Variants in EXOC2 observed in about 807,000 individuals in gnomAD.
The protein encoded by EXOC2 is SEC5-like 1.
In EXOC2, 70 loss-of-function variants were observed where a neutral mutation model predicts 131.8. The observed-to-expected ratio is 0.53, with a 90% CI of 0.44 to 0.65. The LOEUF (loss-of-function observed/expected upper bound fraction) is 0.65, where lower values mean the gene tolerates loss of function less well. EXOC2 is among the 30% of genes least tolerant of loss of function. The pLI is 0.00. For synonymous variants in EXOC2, 411 were observed against 398.4 expected, an observed-to-expected ratio of 1.03 and a Z score of -0.38; for missense variants, 923 against 1,108.6, an observed-to-expected ratio of 0.83 and a Z score of 2.38.
chr6:506,139 T>C lies in EXOC2; in HGVS notation c.2381-6439A>G, dbSNP rs1162466324. Among the ~76,000 whole-genome samples the C allele has an allele frequency of 6.6e-6, 1 of 152,228 alleles. No individual in the cohort carries two copies. The highest frequency in any genetic ancestry group is 1.5e-5 in the Non-Finnish European group (1 of 68,042). On this transcript the variant is annotated intron_variant, in intron 23 of 27. Transcript: ENST00000230449. This position sits in a 1 kb window ranked among gnomAD's most constrained non-coding sequence, Gnocchi z 4.4. Reference sequence around the variant, plus strand: ...AAAAATATAGTTTGAATAAAGTAAGTACAGTAGTATAGAATATTGCTGAGG... The same window carrying C: ...AAAAATATAGTTTGAATAAAGTAAGCACAGTAGTATAGAATATTGCTGAGG...
At chr6:617,673 C>T (rs746459727) in intron 6 of EXOC2, 38 bp downstream of exon 6, 20 of 1,595,002 alleles carry the variant, frequency 1.3e-5, no homozygotes, top group African/African-American at 1.3e-5. Context: ...GTTTCCATGG[C>T]GGAAGCTGCC....
chr6:489,713 G>A (rs1385940593), intron 26 of EXOC2, among the ~76,000 whole-genome samples: 1 of 152,204 alleles, frequency 6.6e-6, no homozygotes, highest in South Asian at 2.1e-4. Context: ...ATTCACAAAG[G>A]AACAGTTCTT....
intron 1 of EXOC2, among the ~76,000 whole-genome samples, chr6:641,017 A>C (rs1482081709): frequency 1.3e-5 from 2 of 152,214 alleles, no homozygotes; most frequent in African/African-American, 4.8e-5. Context: ...TGAAATTTTC[A>C]AAAAGGTCCA....
At chr6:556,407 G>C in intron 18 of EXOC2, 77 bp downstream of exon 18, 1 of 1,424,638 alleles carries the variant, frequency 7.0e-7, no homozygotes, top group East Asian at 2.3e-5. Flanking sequence ...CTTGCAGTAC[G>C]ATGAGTCAAA....
chr6:495,642 C>T (rs958778618), intron 25 of EXOC2, among the ~76,000 whole-genome samples: 18 of 152,188 alleles, frequency 1.2e-4, no homozygotes, highest in African/African-American at 3.6e-4. Flanking sequence ...TGCTGCATCG[C>T]GTCCTCGATG....
Position 677,159 on chromosome 6 carries a change from T to C in EXOC2, c.-44+15860A>G, listed in dbSNP as rs1277156218. ...ACATTACGGAAAGGACAGCTTTCTC[T>C]GGAGACTGCGGTTCCCCATACTCTT... On this transcript the variant is annotated intron_variant, in intron 1 of 27. Coordinates refer to ENST00000230449, the MANE Select transcript of EXOC2 (RefSeq NM_018303.6). 8.9e-5 allele frequency among the ~76,000 whole-genome samples: 11 copies of C among 124,022 alleles called. 3 individuals are homozygous for C. The highest frequency in any genetic ancestry group is 3.1e-4 in the African/African-American group (11 of 35,620). The allele number at this position is 124,022 out of a possible 152,430, so 81.4% of individuals were successfully genotyped here.
At chr6:571,670 T>A (rs1758284496) in intron 13 of EXOC2, among the ~76,000 whole-genome samples, 1 of 152,198 alleles carries the variant, frequency 6.6e-6, no homozygotes, top group Non-Finnish European at 1.5e-5. Context: ...GTCCATTTTG[T>A]GTGTTGCCAA....
At chr6:596,020 C>T (rs549097207) in intron 10 of EXOC2, among the ~76,000 whole-genome samples, 2 of 152,108 alleles carry the variant, frequency 1.3e-5, no homozygotes, top group African/African-American at 4.8e-5. Context: ...CCCCGGGTCA[C>T]TGTGTGTGCT....
intron 1 of EXOC2, among the ~76,000 whole-genome samples, chr6:640,629 A>T (rs1463439950): frequency 6.6e-6 from 1 of 152,136 alleles, no homozygotes. Flanking sequence ...TGGTGTCCTT[A>T]TTGGAAGAAT....
intron 10 of EXOC2, 48 bp downstream of exon 10, chr6:597,973 T>C (rs898117979): frequency 1.4e-6 from 2 of 1,401,436 alleles, no homozygotes; most frequent in African/African-American, 2.8e-5. Context: ...ATGCATACAG[T>C]ACCAAACAGA....
intron 23 of EXOC2, among the ~76,000 whole-genome samples, chr6:501,128 TTATATATATCTA>T (rs1442791805): frequency 3.2e-5 from 2 of 63,146 alleles, no homozygotes; most frequent in Non-Finnish European, 6.1e-5. Flanking sequence ...TCTATATATA[TTATATATATCTA>T]TATATATTAT....
chr6:516,438 A>G (rs920843854), intron 23 of EXOC2, among the ~76,000 whole-genome samples: 2 of 152,184 alleles, frequency 1.3e-5, no homozygotes, highest in Admixed American at 6.5e-5. Flanking sequence ...CCCCGGCCCA[A>G]CAGAGCTGTG....
chr6:499,672 C>G lies in EXOC2; in HGVS notation c.2409G>C (p.Leu803=). 2 of 1,613,628 alleles carry G rather than the reference C, an allele frequency of 1.2e-6. No individual in the cohort carries two copies. Among genetic ancestry groups the G allele is most frequent in the Non-Finnish European group, 1.7e-6 (2 of 1,179,780 alleles). Reference sequence around the variant, plus strand: ...CTGCATGCACGGCAATTATATTCACCAGTGCTTCTTTTAAATAGTTTCTGA... The same window carrying G: ...CTGCATGCACGGCAATTATATTCACGAGTGCTTCTTTTAAATAGTTTCTGA... The part of the protein sequence containing the change: ...TGVRNYLKEA[L]VNIIAVHAEV... Residue 803 remains leucine (L), a synonymous_variant, in exon 24 of 28, where the codon CTG becomes CTC. Coordinates refer to ENST00000230449, the MANE Select transcript of EXOC2 (RefSeq NM_018303.6).
At chr6:555,906 CACTT>C (rs755521641) in intron 19 of EXOC2, 44 bp downstream of exon 19, 18 of 1,564,664 alleles carry the variant, frequency 1.2e-5, no homozygotes, top group East Asian at 2.2e-5. Context: ...GGTTGACTGA[CACTT>C]AGTATTATTT....
Position 564,011 on chromosome 6 carries a change from T to C in EXOC2, c.1789+22A>G, listed in dbSNP as rs748806902. 4 of 1,611,724 alleles carry C rather than the reference T, an allele frequency of 2.5e-6. No homozygotes were observed. The African/African-American group carries it at 5.3e-5, about 22-fold the overall frequency. On this transcript the variant is annotated intron_variant, in intron 16 of 27. Transcript: ENST00000230449. Reference sequence around the variant, plus strand: ...TCAGATAATCATTGCACAGTGAACGTCACCGATTTATCAAAACACACCTTC... The same window carrying C: ...TCAGATAATCATTGCACAGTGAACGCCACCGATTTATCAAAACACACCTTC...
chr6:634,473 T>C (rs903372891), intron 2 of EXOC2, among the ~76,000 whole-genome samples: 4 of 152,232 alleles, frequency 2.6e-5, no homozygotes, highest in Non-Finnish European at 5.9e-5. Flanking sequence ...CGGCTTTTTT[T>C]CAGATACCAG....
intron 23 of EXOC2, among the ~76,000 whole-genome samples, chr6:523,292 G>T (rs907194874): frequency 1.3e-5 from 2 of 152,202 alleles, no homozygotes; most frequent in African/African-American, 4.8e-5. Flanking sequence ...GATGCTGAGG[G>T]AGCACACTCG....
chr6:485,625 C>G lies in EXOC2; in HGVS notation c.*1046G>C, dbSNP rs370392852. 16 of 152,326 alleles carry G rather than the reference C, an allele frequency of 1.1e-4. No homozygotes were observed. Among genetic ancestry groups the G allele is most frequent in the Admixed American group, 5.2e-4 (8 of 15,304 alleles). 9.4% of individuals were successfully genotyped at this position (152,326 alleles called of 1,614,324 possible). On this transcript the variant is annotated 3_prime_UTR_variant, in exon 28 of 28. Transcript: ENST00000230449. The stretch of plus-strand genomic sequence containing the variant: ...GAAGTCCCGGTGACCTGAACCTATT[C>G]CAGTGAAGCCAGTCAGCAGTGAATG...
At chr6:574,015 A>G (rs913396728) in intron 12 of EXOC2, among the ~76,000 whole-genome samples, 22 of 152,202 alleles carry the variant, frequency 1.4e-4, no homozygotes, top group African/African-American at 5.3e-4. Context: ...CCATTTAGCG[A>G]TGGATCCTGG....
Sources: allele counts gnomAD v4.1 joint callset (sites outside exome capture counted in the v4.1 genomes callset), GRCh38; gene constraint gnomAD v4.1.1; non-coding constraint Gnocchi (gnomAD v3.1); transcripts MANE v1.5; gene names NCBI Gene and HGNC (gene_info 2026-07-23, HGNC 2026-07-21).